The following STK35 variants were observed in gnomAD, a reference collection of about 807,000 sequenced individuals.
STK35 encodes serine/threonine-protein kinase 35.
STK35 carries 17 observed loss-of-function variants against 37.3 expected under a neutral mutation model. The ratio of observed to expected loss-of-function variants is 0.46; its 90% CI spans 0.31 to 0.68. The LOEUF is 0.68. Among genes scored for constraint, STK35 ranks in the 30% least tolerant of loss-of-function variants. STK35 has a pLI of 0.05. For synonymous variants in STK35, 385 were observed against 319.1 expected, an observed-to-expected ratio of 1.21 and a Z score of -2.20; for missense variants, 595 against 746.7, an observed-to-expected ratio of 0.80 and a Z score of 2.37.
rs1985408315 is a variant in STK35, at chr20:2,102,287, C to G, written c.294+112C>G. The G allele has an allele frequency of 1.3e-5, 17 of 1,332,992 alleles. No individual in the cohort carries two copies. In the South Asian group the frequency reaches 2.5e-4, roughly 20 times the overall value. The allele number at this position is 1,332,992 out of a possible 1,614,324, so 82.6% of individuals were successfully genotyped here. On this transcript the variant is annotated intron_variant, in intron 1 of 3. Transcript: ENST00000381482. ...CTCGGCCAGTCGCACTCCGAGAAGC[C>G]GAACTTTTCAGCCAATCCCTTCTAC...
intron 3 of STK35, among the ~76,000 whole-genome samples, chr20:2,132,100 G>A (rs1986010648): frequency 6.6e-6 from 1 of 152,160 alleles, no homozygotes; most frequent in Non-Finnish European, 1.5e-5. Flanking sequence ...TCCAGAGAAA[G>A]GAAGTGATTT....
chr20:2,135,815 G>A (rs957295134), intron 3 of STK35, among the ~76,000 whole-genome samples: 5 of 152,128 alleles, frequency 3.3e-5, no homozygotes, highest in Non-Finnish European at 5.9e-5. Context: ...GCACTGCTGC[G>A]CTCCAGCTTG....
chr20:2,103,470 C>A, intron 2 of STK35, 105 bp downstream of exon 2: 3 of 1,059,868 alleles, frequency 2.8e-6, no homozygotes, highest in East Asian at 2.6e-5. Context: ...CAGACCTGGT[C>A]CCTGTCACCC....
At chr20:2,130,494 AG>A (rs1397841099) in intron 3 of STK35, among the ~76,000 whole-genome samples, 2 of 152,098 alleles carry the variant, frequency 1.3e-5, no homozygotes, top group African/African-American at 4.8e-5. Context: ...TTTGCTTTTT[AG>A]AGCTGAAAAC....
rs1449833823 is a variant in STK35, at chr20:2,143,850, G to A, written c.*104G>A. ...GAGGACGGCAGAGGGTACAGGTGGT[G>A]GCCTGGCCGGTTGGCGATCTCCCGA... On this transcript the variant is annotated 3_prime_UTR_variant, in exon 4 of 4. Transcript: ENST00000381482. 1 of 440,838 alleles carries A rather than the reference G, an allele frequency of 2.3e-6. No homozygotes were observed. The highest frequency in any genetic ancestry group is 1.7e-5 in the South Asian group (1 of 60,548). 27.3% of individuals were successfully genotyped at this position (440,838 alleles called of 1,614,324 possible).
chr20:2,122,302 A>C (rs887964865), intron 3 of STK35, among the ~76,000 whole-genome samples: 1 of 152,216 alleles, frequency 6.6e-6, no homozygotes, highest in African/African-American at 2.4e-5. Flanking sequence ...ACTGCACTCC[A>C]GCCTGGGCGC....
intron 3 of STK35, among the ~76,000 whole-genome samples, chr20:2,126,702 T>A (rs1174686146): frequency 6.6e-6 from 1 of 152,164 alleles, no homozygotes; most frequent in East Asian, 1.9e-4. Flanking sequence ...CCTCCAGCGT[T>A]TCTAGGATTC....
At position 2,102,109 on chromosome 20, in the gene STK35, G is replaced by A. The variant is rs1271494598; in HGVS notation, c.228G>A (p.Ala76=). ...ARSRRQPGPG[A]DHPQAGAPGG... ...CCCGGAGGCAGCCCGGGCCCGGAGC[G>A]GACCATCCCCAGGCAGGGGCTCCAG... is the stretch of plus-strand genomic sequence containing the variant. Residue 76 remains alanine (A), a synonymous_variant, in exon 1 of 4, where the codon GCG becomes GCA. Coordinates refer to ENST00000381482, the MANE Select transcript of STK35 (RefSeq NM_080836.4). 2.1e-5 allele frequency: 30 copies of A among 1,453,654 alleles called. No individual in the cohort carries two copies. Among genetic ancestry groups the A allele is most frequent in the Non-Finnish European group, 2.6e-5 (29 of 1,101,638 alleles). 90.0% of individuals were successfully genotyped at this position (1,453,654 alleles called of 1,614,324 possible).
At chr20:2,134,607 G>A (rs1226417976) in intron 3 of STK35, among the ~76,000 whole-genome samples, 1 of 152,162 alleles carries the variant, frequency 6.6e-6, no homozygotes, top group Admixed American at 6.5e-5. Flanking sequence ...AAAAATGCCT[G>A]GGGCCTGGCG....
Position 2,135,417 on chromosome 20 carries a change from A to G in STK35, c.*38-8367A>G, listed in dbSNP as rs1056457068. ...CTCTTTCAACAATCCATGTGTTTTGAATGTGGCATATGGGAGTCCTCCAGC... is the reference window on the plus strand; with the variant it reads ...CTCTTTCAACAATCCATGTGTTTTGGATGTGGCATATGGGAGTCCTCCAGC... On this transcript the variant is annotated intron_variant, in intron 3 of 3. Coordinates refer to ENST00000381482, the MANE Select transcript of STK35 (RefSeq NM_080836.4). 2.0e-4 allele frequency among the ~76,000 whole-genome samples: 31 copies of G among 152,182 alleles called. 1 individual carries two copies. The highest frequency in any genetic ancestry group is 2.0e-3 in the Admixed American group (31 of 15,286).
intron 2 of STK35, among the ~76,000 whole-genome samples, chr20:2,111,685 C>G (rs1985622192): frequency 6.6e-6 from 1 of 152,206 alleles, no homozygotes; most frequent in Admixed American, 6.5e-5. Flanking sequence ...GGCAACAGAG[C>G]TAGACCGTTT....
At chr20:2,109,658 G>A (rs1322835946) in intron 2 of STK35, among the ~76,000 whole-genome samples, 1 of 152,218 alleles carries the variant, frequency 6.6e-6, no homozygotes, top group Non-Finnish European at 1.5e-5. Context: ...GCTGCCAGTG[G>A]TGTCCAGAGA....
At chr20:2,102,262 C>T in intron 1 of STK35, 87 bp downstream of exon 1, 1 of 1,373,496 alleles carries the variant, frequency 7.3e-7, no homozygotes, top group Non-Finnish European at 9.4e-7. Flanking sequence ...AAATCGGGTC[C>T]TCGGCCAGTC....
chr20:2,129,545 C>T (rs1221888917), intron 3 of STK35, among the ~76,000 whole-genome samples: 1 of 152,092 alleles, frequency 6.6e-6, no homozygotes, highest in African/African-American at 2.4e-5. Context: ...CCAAGGGGAC[C>T]CGTTAATTTT....
At chr20:2,129,384 C>A (rs1352292478) in intron 3 of STK35, among the ~76,000 whole-genome samples, 1 of 152,192 alleles carries the variant, frequency 6.6e-6, no homozygotes, top group East Asian at 1.9e-4. Context: ...CTGCCAGGCA[C>A]GCAGCAGGTA....
In STK35 at chr20:2,144,494, A is replaced by G. The variant is rs1425483414; in HGVS notation, c.*748A>G. ...CCACACCAGGACTTGCAGTGGTGGG[A>G]ATCCATTCCTCTTCTGCCCTGTGTT... On this transcript the variant is annotated 3_prime_UTR_variant, in exon 4 of 4. Coordinates refer to ENST00000381482, the MANE Select transcript of STK35 (RefSeq NM_080836.4). 2 of 153,922 alleles carry G rather than the reference A, an allele frequency of 1.3e-5. No individual in the cohort carries two copies. The highest frequency in any genetic ancestry group is 2.9e-5 in the Non-Finnish European group (2 of 68,976). 9.5% of individuals were successfully genotyped at this position (153,922 alleles called of 1,614,324 possible). A position where few individuals can be genotyped will look rare whatever the true frequency, so the allele number is the denominator to read the frequency against.
At chr20:2,130,511 C>T (rs757489822) in intron 3 of STK35, among the ~76,000 whole-genome samples, 11 of 152,090 alleles carry the variant, frequency 7.2e-5, no homozygotes, top group East Asian at 1.9e-4. Flanking sequence ...AAAACCTGTG[C>T]GGGGTCTTGT....
chr20:2,116,403 A>G (rs1343622473), intron 2 of STK35, among the ~76,000 whole-genome samples: 5 of 152,132 alleles, frequency 3.3e-5, no homozygotes, highest in Non-Finnish European at 7.4e-5. Flanking sequence ...GAGACAGTAT[A>G]ATGAAACAAA....
At position 2,145,104 on chromosome 20, in the gene STK35, T is replaced by G. The variant is rs1986238441; in HGVS notation, c.*1358T>G. On this transcript the variant is annotated 3_prime_UTR_variant, in exon 4 of 4. Transcript: ENST00000381482. ...TTCAGCCCCGCCACCCATGCCTGTCTGCTGCAGCCATCCTTGCACTCTCCA... is the reference window on the plus strand; with the variant it reads ...TTCAGCCCCGCCACCCATGCCTGTCGGCTGCAGCCATCCTTGCACTCTCCA... 1 of 152,510 alleles carries G rather than the reference T, an allele frequency of 6.6e-6. No homozygotes were observed. The highest frequency in any genetic ancestry group is 1.5e-5 in the Non-Finnish European group (1 of 68,200). The allele number at this position is 152,510 out of a possible 1,614,324, so 9.4% of individuals were successfully genotyped here. A position where few individuals can be genotyped will look rare whatever the true frequency, so the allele number is the denominator to read the frequency against.
Sources: allele counts gnomAD v4.1 joint callset (sites outside exome capture counted in the v4.1 genomes callset), GRCh38; gene constraint gnomAD v4.1.1; transcripts MANE v1.5; gene names NCBI Gene and HGNC (gene_info 2026-07-23, HGNC 2026-07-21).